The following CCDC61 variants were observed in gnomAD, a reference collection of about 807,000 sequenced individuals.
CCDC61 encodes the protein centrosomal protein CCDC61.
CCDC61 carries 55 observed loss-of-function variants against 63.0 expected under a neutral mutation model. That is an observed-to-expected ratio of 0.87 (90% confidence interval 0.70 to 1.09). The LOEUF (loss-of-function observed/expected upper bound fraction) is 1.09. Ranked by LOEUF, CCDC61 falls within the 50% of genes least tolerant of loss-of-function variation. The probability of loss-of-function intolerance (pLI) is 0.00; values close to 1 mark genes in which losing one functional copy is unlikely to be tolerated. For missense variants in CCDC61, 651 were observed against 731.4 expected (o/e 0.89, Z 1.27); for synonymous variants, 270 against 317.0 (o/e 0.85, Z 1.58).
At chr19:46,007,853 G>C (rs1460539332) in intron 4 of CCDC61, among the ~76,000 whole-genome samples, 2 of 152,168 alleles carry the variant, frequency 1.3e-5, no homozygotes, top group African/African-American at 4.8e-5. Flanking sequence ...CATGATACCA[G>C]CATTCCCTTC....
chr19:46,006,155 AG>A (rs1968705250), intron 3 of CCDC61, among the ~76,000 whole-genome samples: 1 of 152,142 alleles, frequency 6.6e-6, no homozygotes, highest in Admixed American at 6.6e-5. Context: ...ATTTCTCCTA[AG>A]GCACCAGCAG....
Position 46,008,157 on chromosome 19 carries a change from C to T in CCDC61, c.407C>T (p.Pro136Leu), listed in dbSNP as rs1968749233. ...CTCCTCAGGATTCACTACCCGCTGC[C>T]CCTCCCGTACCAGGGCAAGCCAGAC... ...VEFDRIHYPL[P>L]LPYQGKPDPV... The change falls in exon 5 of 14, where the codon CCC (proline) becomes CTC (leucine). Residue 136 changes from proline (P) to leucine (L), a missense_variant. Transcript: ENST00000595358. 1.2e-6 allele frequency: 2 copies of T among 1,610,812 alleles called. No individual in the cohort carries two copies. Among genetic ancestry groups the T allele is most frequent in the African/African-American group, 2.7e-5 (2 of 74,856 alleles).
chr19:46,011,274 T>A (rs1968824875), intron 5 of CCDC61, among the ~76,000 whole-genome samples: 2 of 152,166 alleles, frequency 1.3e-5, no homozygotes, highest in African/African-American at 4.8e-5. Flanking sequence ...GATCTTGAAC[T>A]TCTGAATTCA....
intron 3 of CCDC61, among the ~76,000 whole-genome samples, chr19:46,005,617 TG>T (rs1968691678): frequency 6.6e-6 from 1 of 151,804 alleles, no homozygotes; most frequent in Non-Finnish European, 1.5e-5. Context: ...AGACACCCAG[TG>T]GAAGATACAA....
chr19:46,016,795 G>A lies in CCDC61; in HGVS notation c.1193G>A (p.Gly398Glu). The change falls in exon 10 of 14, where the codon GGG becomes GAG. Residue 398 changes from glycine (G) to glutamate (E), a missense_variant. Gly to Glu is a moderately conservative substitution (Grantham distance 98). Coordinates refer to ENST00000595358, the MANE Select transcript of CCDC61 (RefSeq NM_001267723.2). The surrounding 1 kb of genome is among the most constrained non-coding windows in gnomAD (Gnocchi z 7.2). ...TQPPAALTGRGDAPNRSRNRS... is the reference protein window; with the variant it reads ...TQPPAALTGREDAPNRSRNRS... ...CCCCCTGCTGCCTTGACTGGCCGAG[G>A]GGACGCCCCTAACCGCTCCCGAAAC... 6.5e-7 allele frequency: 1 copy of A among 1,543,512 alleles called. No individual in the cohort carries two copies. Among genetic ancestry groups the A allele is most frequent in the Non-Finnish European group, 8.7e-7 (1 of 1,144,488 alleles).
At chr19:46,001,927 T>C (rs1282039648) in intron 1 of CCDC61, among the ~76,000 whole-genome samples, 1 of 152,186 alleles carries the variant, frequency 6.6e-6, no homozygotes, top group Non-Finnish European at 1.5e-5. Flanking sequence ...CCTCACAATA[T>C]TGTATTTTCT....
chr19:46,002,869 T>C, intron 1 of CCDC61, 139 bp from the exon 2 acceptor site: 1 of 766,940 alleles, frequency 1.3e-6, no homozygotes, highest in Non-Finnish European at 2.1e-6. Context: ...ATGAGGAAAC[T>C]AAGGCACAGA....
intron 3 of CCDC61, among the ~76,000 whole-genome samples, chr19:46,005,079 T>C (rs1247453020): frequency 2.6e-5 from 4 of 151,754 alleles, no homozygotes; most frequent in Non-Finnish European, 4.4e-5. Flanking sequence ...GGCATGATAT[T>C]GGCTCACTGC....
At chr19:46,008,820 T>C (rs1478551359) in intron 5 of CCDC61, among the ~76,000 whole-genome samples, 1 of 152,084 alleles carries the variant, frequency 6.6e-6, no homozygotes, top group Non-Finnish European at 1.5e-5. Context: ...GGGAGGCAGA[T>C]GTGTTTGCAG....
intron 1 of CCDC61, among the ~76,000 whole-genome samples, chr19:45,999,228 G>A (rs952275669): frequency 3.3e-5 from 5 of 152,104 alleles, no homozygotes; most frequent in African/African-American, 9.7e-5. Context: ...AGTGTGCACC[G>A]TAGAGATTTC....
intron 5 of CCDC61, 49 bp from the exon 6 acceptor site, chr19:46,015,000 G>A: frequency 6.9e-7 from 1 of 1,444,846 alleles, no homozygotes; most frequent in Non-Finnish European, 9.2e-7. Flanking sequence ...GGAGTAGTGG[G>A]AATGGGGCCA....
chr19:46,001,176 A>C (rs927368197), intron 1 of CCDC61, among the ~76,000 whole-genome samples: 1 of 151,924 alleles, frequency 6.6e-6, no homozygotes, highest in African/African-American at 2.4e-5. Context: ...GGGTCAGGGG[A>C]TGTGGGATAT....
At position 46,015,921 on chromosome 19, in the gene CCDC61, TG is replaced by T; in HGVS notation, c.846-130del. 1.4e-6 allele frequency: 1 copy of T among 725,164 alleles called. No individual in the cohort carries two copies. Among genetic ancestry groups the T allele is most frequent in the Non-Finnish European group, 1.9e-6 (1 of 528,874 alleles). The allele number at this position is 725,164 out of a possible 1,614,324, so 44.9% of individuals were successfully genotyped here. A position where few individuals can be genotyped will look rare whatever the true frequency, so the allele number is the denominator to read the frequency against. On this transcript the variant is annotated intron_variant, in intron 7 of 13. Transcript: ENST00000595358. The surrounding 1 kb of genome is among the most constrained non-coding windows in gnomAD (Gnocchi z 5.3). ...GGGGGGGAAGATATCGAGAGGGTCA[TG>T]GGCCCAGGAGTGCACGTCTAGGAGT...
chr19:46,003,980 C>T (rs557691876), intron 3 of CCDC61, among the ~76,000 whole-genome samples: 5 of 152,088 alleles, frequency 3.3e-5, no homozygotes, highest in Non-Finnish European at 7.4e-5. Context: ...GCTCTGTCGC[C>T]CAGGCTGGAG....
chr19:46,007,140 C>T (rs551562619), intron 4 of CCDC61, among the ~76,000 whole-genome samples: 1 of 152,100 alleles, frequency 6.6e-6, no homozygotes, highest in East Asian at 1.9e-4. Flanking sequence ...CCTCTCCCTC[C>T]CAGGTTCAAG....
In CCDC61 at chr19:46,016,052, A is replaced by C; in HGVS notation, c.846-2A>C. 1 of 1,235,642 alleles carries C rather than the reference A, an allele frequency of 8.1e-7. No individual in the cohort carries two copies. Among genetic ancestry groups the C allele is most frequent in the African/African-American group, 1.6e-5 (1 of 64,414 alleles). The allele number at this position is 1,235,642 out of a possible 1,614,324, so 76.5% of individuals were successfully genotyped here. On this transcript the variant is annotated splice_acceptor_variant, in intron 7 of 13. Transcript: ENST00000595358. LOFTEE classifies it high-confidence loss of function. This position sits in a 1 kb window ranked among gnomAD's most constrained non-coding sequence, Gnocchi z 7.2. ...AGCTGACAGCTGCCTCTGTGGTCTC[A>C]GGAGGCGGACTCCGCCGGTGCAGCC...
rs1968998009 is a variant in CCDC61 at position 46,018,412 on chromosome 19, C to T, written c.*25C>T. Reference sequence around the variant, plus strand: ...ACGTGGAGAAGGGGTACTACCCCTCCATCCCCCACCCACTTGCTGGGTATG... The same window carrying T: ...ACGTGGAGAAGGGGTACTACCCCTCTATCCCCCACCCACTTGCTGGGTATG... On this transcript the variant is annotated 3_prime_UTR_variant, in exon 14 of 14. Transcript: ENST00000595358. The surrounding 1 kb of genome is among the most constrained non-coding windows in gnomAD (Gnocchi z 4.2). 2.6e-6 allele frequency: 4 copies of T among 1,535,386 alleles called. No individual in the cohort carries two copies. The highest frequency in any genetic ancestry group is 2.4e-5 in the South Asian group (2 of 83,466).
At chr19:46,001,753 T>C (rs1968595392) in intron 1 of CCDC61, among the ~76,000 whole-genome samples, 2 of 152,184 alleles carry the variant, frequency 1.3e-5, no homozygotes, top group Admixed American at 1.3e-4. Flanking sequence ...TGGATGGGCC[T>C]GGGGGGTGGT....
At chr19:46,005,428 T>C (rs138082721) in intron 3 of CCDC61, among the ~76,000 whole-genome samples, 1 of 152,350 alleles carries the variant, frequency 6.6e-6, no homozygotes, top group East Asian at 1.9e-4. Context: ...GTATGGATAT[T>C]TTTTTACCTG....
Sources: gnomAD v4.1 joint callset for allele counts (sites outside exome capture counted in the v4.1 genomes callset) on GRCh38, gnomAD v4.1.1 for gene constraint, Gnocchi (gnomAD v3.1) non-coding constraint, MANE v1.5 for transcripts, NCBI Gene and HGNC (gene_info 2026-07-23, HGNC 2026-07-21) for gene names.